CNTNAP2: variants seen among roughly 807,000 people sequenced by gnomAD.
The protein encoded by CNTNAP2 is contactin associated protein 2.
Under a neutral mutation model 155.2 loss-of-function variants are expected in CNTNAP2, and 98 were observed. That is an observed-to-expected ratio of 0.63 (90% CI 0.54 to 0.75). The LOEUF is 0.75. Among genes scored for constraint, CNTNAP2 ranks in the 30% least tolerant of loss-of-function variants. The probability of loss-of-function intolerance (pLI) is 0.00; values close to 1 mark genes in which losing one functional copy is unlikely to be tolerated. For missense variants in CNTNAP2, 1,727 were observed against 1,688.1 expected, an observed-to-expected ratio of 1.02 and a Z score of -0.40; for synonymous variants, 651 against 631.2, an observed-to-expected ratio of 1.03 and a Z score of -0.47.
chr7:147,993,524 T>G (rs920158279), intron 15 of CNTNAP2, among the ~76,000 whole-genome samples: 3 of 152,182 alleles, frequency 2.0e-5, no homozygotes, highest in African/African-American at 7.2e-5. Flanking sequence ...GCTTGTGTCT[T>G]GAACATCCAT....
At chr7:146,457,691 G>T (rs1381674023) in intron 1 of CNTNAP2, among the ~76,000 whole-genome samples, 1 of 150,650 alleles carries the variant, frequency 6.6e-6, no homozygotes, top group Non-Finnish European at 1.5e-5. Context: ...TTTTAGTAGA[G>T]ACTGGGTTTC....
At chr7:146,527,886 A>T (rs1307675530) in intron 1 of CNTNAP2, among the ~76,000 whole-genome samples, 2 of 150,146 alleles carry the variant, frequency 1.3e-5, no homozygotes, top group Non-Finnish European at 2.9e-5. Flanking sequence ...TAATGTGACA[A>T]TGTCCAGGAC....
At chr7:146,753,446 A>G (rs1192325497) in intron 1 of CNTNAP2, among the ~76,000 whole-genome samples, 2 of 152,150 alleles carry the variant, frequency 1.3e-5, no homozygotes, top group African/African-American at 4.8e-5. Context: ...ATGTTGCATT[A>G]TAGAATTTAA....
intron 5 of CNTNAP2, 101 bp downstream of exon 5, chr7:147,108,451 C>A: frequency 9.8e-7 from 1 of 1,024,868 alleles, no homozygotes; most frequent in Non-Finnish European, 1.4e-6. Context: ...ATAAAAAGAG[C>A]TCATGTTATA....
intron 1 of CNTNAP2, among the ~76,000 whole-genome samples, chr7:146,314,723 A>G (rs1800880151): frequency 1.3e-5 from 2 of 152,096 alleles, no homozygotes; most frequent in Non-Finnish European, 2.9e-5. Context: ...GCCTCCAGGG[A>G]GGGTCTTCAG....
intron 3 of CNTNAP2, among the ~76,000 whole-genome samples, chr7:147,024,255 A>G (rs1266720273): frequency 6.6e-6 from 1 of 152,240 alleles, no homozygotes; most frequent in Non-Finnish European, 1.5e-5. Flanking sequence ...CTTTTGGGTA[A>G]TTGAACATCT....
At chr7:146,393,325 T>C (rs1252446224) in intron 1 of CNTNAP2, among the ~76,000 whole-genome samples, 1 of 152,190 alleles carries the variant, frequency 6.6e-6, no homozygotes, top group South Asian at 2.1e-4. Context: ...ACATAATAGA[T>C]GCCTCATTCC....
chr7:147,960,623 C>A (rs892381520), intron 14 of CNTNAP2, among the ~76,000 whole-genome samples: 4 of 152,126 alleles, frequency 2.6e-5, no homozygotes, highest in African/African-American at 9.7e-5. Context: ...TGTTTTCCAG[C>A]ATCAACTGGA....
rs559538029 is a variant in CNTNAP2, at chr7:148,230,052, C to T, written c.3381+273C>T. Among the ~76,000 whole-genome samples the T allele has an allele frequency of 5.3e-5, 8 of 152,320 alleles. No homozygotes were observed. The South Asian group carries it at 1.4e-3, about 28-fold the overall frequency. On this transcript the variant is annotated intron_variant, in intron 20 of 23. Transcript: ENST00000361727. Reference sequence around the variant, plus strand: ...TTTTCCCAGTTCTAGATCCACATATCTATCAATTTACTGCTTTTATCCATT... The same window carrying T: ...TTTTCCCAGTTCTAGATCCACATATTTATCAATTTACTGCTTTTATCCATT...
intron 4 of CNTNAP2, among the ~76,000 whole-genome samples, chr7:147,094,095 G>GC (rs1800471981): frequency 6.6e-6 from 1 of 152,052 alleles, no homozygotes; most frequent in Non-Finnish European, 1.5e-5. Flanking sequence ...CAAAACTTGG[G>GC]GCAGCCGCAA....
intron 3 of CNTNAP2, among the ~76,000 whole-genome samples, chr7:146,944,343 A>AT (rs1563014381): frequency 6.6e-6 from 1 of 151,774 alleles, no homozygotes; most frequent in South Asian, 2.1e-4. Flanking sequence ...TCAACTGTAG[A>AT]TTTTTTTAAT....
intron 11 of CNTNAP2, among the ~76,000 whole-genome samples, chr7:147,534,011 G>C (rs1799492838): frequency 6.6e-6 from 1 of 152,206 alleles, no homozygotes; most frequent in South Asian, 2.1e-4. Context: ...GGTTTAAAGA[G>C]ATCAGTATTG....
chr7:147,235,900 A>T (rs1299751872), intron 8 of CNTNAP2, among the ~76,000 whole-genome samples: 1 of 152,196 alleles, frequency 6.6e-6, no homozygotes, highest in African/African-American at 2.4e-5. Context: ...TCACAACAAT[A>T]CTTAATTTGC....
intron 1 of CNTNAP2, among the ~76,000 whole-genome samples, chr7:146,248,152 CAG>C (rs1180432115): frequency 2.0e-5 from 3 of 151,696 alleles, no homozygotes; most frequent in Non-Finnish European, 4.4e-5. Flanking sequence ...GATCAGGGCG[CAG>C]AGATATAAGA....
intron 9 of CNTNAP2, among the ~76,000 whole-genome samples, chr7:147,335,521 A>G (rs577510342): frequency 1.3e-5 from 2 of 152,310 alleles, no homozygotes; most frequent in East Asian, 3.9e-4. Context: ...TAGAGAAAAC[A>G]AAATCATCAG....
intron 20 of CNTNAP2, among the ~76,000 whole-genome samples, chr7:148,261,631 G>T (rs1282044234): frequency 6.6e-6 from 1 of 152,174 alleles, no homozygotes; most frequent in Non-Finnish European, 1.5e-5. Flanking sequence ...GAATTGCTGG[G>T]GGAGCGACAG....
At chr7:148,097,236 T>C (rs1352840635) in intron 15 of CNTNAP2, among the ~76,000 whole-genome samples, 1 of 151,120 alleles carries the variant, frequency 6.6e-6, no homozygotes, top group African/African-American at 2.4e-5. Flanking sequence ...TTAGAACAAC[T>C]GGTCTCTTTA....
At chr7:146,132,795 C>A (rs1385329021) in intron 1 of CNTNAP2, among the ~76,000 whole-genome samples, 1 of 150,324 alleles carries the variant, frequency 6.7e-6, no homozygotes, top group African/African-American at 2.4e-5. Context: ...GCCACATTTT[C>A]TTAATCCAGT....
At chr7:147,417,076 A>C (rs1174701646) in intron 10 of CNTNAP2, among the ~76,000 whole-genome samples, 3 of 140,784 alleles carry the variant, frequency 2.1e-5, no homozygotes, top group Non-Finnish European at 1.5e-5. Context: ...GCGACAGAGC[A>C]AGACTCTGGT....
Sources: gnomAD v4.1 joint callset for allele counts (sites outside exome capture counted in the v4.1 genomes callset) on GRCh38, gnomAD v4.1.1 for gene constraint, MANE v1.5 for transcripts, NCBI Gene and HGNC (gene_info 2026-07-23, HGNC 2026-07-21) for gene names.